UNC80: variants seen among roughly 807,000 people sequenced by gnomAD.
The protein encoded by UNC80 is unc-80 subunit of NALCN channel complex.
UNC80 carries 164 observed loss-of-function variants against 384.6 expected under a neutral mutation model. The observed-to-expected ratio is 0.43, with a 90% CI of 0.38 to 0.49. UNC80 has a LOEUF of 0.49. Ranked by LOEUF, UNC80 falls within the 20% of genes least tolerant of loss-of-function variation. UNC80 has a pLI of 0.00. For synonymous variants in UNC80, 1,486 were observed against 1,527.8 expected, an observed-to-expected ratio of 0.97 and a Z score of 0.64; for missense variants, 3,330 against 4,143.0, an observed-to-expected ratio of 0.80 and a Z score of 5.39.
At chr2:209,902,677 T>G (rs7600528) in intron 28 of UNC80, among the ~76,000 whole-genome samples, 40,319 of 152,042 alleles carry the variant, frequency 0.27, 5,985 homozygotes, top group East Asian at 0.4. Flanking sequence ...AAGGCTCAGG[T>G]GATTGTTAGC....
At chr2:209,917,748 A>C in intron 31 of UNC80, 29 bp from the exon 32 acceptor site, 1 of 1,550,702 alleles carries the variant, frequency 6.4e-7, no homozygotes, top group Non-Finnish European at 8.7e-7. Context: ...TTTTAAAAGC[A>C]TAGCTGATGA....
chr2:209,795,143 A>G (rs148170513), intron 7 of UNC80: 2,635 of 159,662 alleles, frequency 0.017, 44 homozygotes, highest in Non-Finnish European at 0.024. Context: ...AGGTGGTCTC[A>G]GATGGAGATG....
chr2:209,900,923 T>G (rs2087325636), intron 28 of UNC80, among the ~76,000 whole-genome samples: 1 of 152,216 alleles, frequency 6.6e-6, no homozygotes, highest in Non-Finnish European at 1.5e-5. Flanking sequence ...TTTTAACTCT[T>G]TTCAGTTCTG....
At chr2:209,786,620 G>A (rs975552) in intron 5 of UNC80, among the ~76,000 whole-genome samples, 1 of 151,944 alleles carries the variant, frequency 6.6e-6, no homozygotes, top group African/African-American at 2.4e-5. Flanking sequence ...GTGTTGTATT[G>A]TTATCAAAGC....
chr2:209,798,761 T>A (rs1026437855), intron 7 of UNC80, among the ~76,000 whole-genome samples: 1 of 151,116 alleles, frequency 6.6e-6, no homozygotes, highest in Admixed American at 6.6e-5. Flanking sequence ...CACTGAAAGC[T>A]CCACCTCCCA....
chr2:209,797,005 A>T (rs902688388), intron 7 of UNC80, among the ~76,000 whole-genome samples: 2 of 151,984 alleles, frequency 1.3e-5, no homozygotes, highest in Admixed American at 1.3e-4. Flanking sequence ...CCAGATAACC[A>T]CTAATATACT....
chr2:209,834,731 GGCT>G (rs1336218107), intron 17 of UNC80, among the ~76,000 whole-genome samples, 178 bp from the exon 18 acceptor site: 2 of 152,150 alleles, frequency 1.3e-5, no homozygotes, highest in Non-Finnish European at 2.9e-5. Context: ...GAAGCAAAAA[GGCT>G]GCTAAGTCAT....
intron 8 of UNC80, 115 bp downstream of exon 8, chr2:209,813,956 G>T (rs2079546420): frequency 1.1e-5 from 14 of 1,286,080 alleles, no homozygotes; most frequent in Non-Finnish European, 1.5e-5. Flanking sequence ...TGGTTGGTGG[G>T]TTACACTGTT....
chr2:209,799,249 T>C (rs934021649), intron 7 of UNC80, among the ~76,000 whole-genome samples: 8 of 152,248 alleles, frequency 5.3e-5, no homozygotes, highest in South Asian at 2.1e-4. Context: ...CTTATTTCCC[T>C]GAGCAGTGGT....
intron 26 of UNC80, 35 bp from the exon 27 acceptor site, chr2:209,894,128 G>A (rs73003386): frequency 1.0e-5 from 10 of 983,318 alleles, no homozygotes; most frequent in Non-Finnish European, 1.2e-5. Flanking sequence ...GGAACACTAG[G>A]GGGGAAAAAG....
rs543594839 is a variant in UNC80 at position 209,899,284 on chromosome 2, G to A, written c.4581+2871G>A. 3.9e-5 allele frequency among the ~76,000 whole-genome samples: 6 copies of A among 152,284 alleles called. No homozygotes were observed. In the South Asian group the frequency reaches 6.2e-4, roughly 16 times the overall value. ...ATTCACAGAATGTACAAAGCAAAGC[G>A]TGGACCCTAATGTAAACTGTTGACT... is the stretch of plus-strand genomic sequence containing the variant. On this transcript the variant is annotated intron_variant, in intron 28 of 64. Coordinates refer to ENST00000673920, the MANE Select transcript of UNC80 (RefSeq NM_001371986.1).
Position 209,834,047 on chromosome 2 carries a change from G to T in UNC80, c.2821G>T (p.Ala941Ser). ...IRQLVQFIKE[A>S]HGNVFRRVAL... ...TCAGCTGGTCCAGTTTATCAAAGAGGCTCATGGGAATGTCTTCAGGAGAGT... is the reference window on the plus strand; with the variant it reads ...TCAGCTGGTCCAGTTTATCAAAGAGTCTCATGGGAATGTCTTCAGGAGAGT... The change falls in exon 17 of 65, where the codon GCT becomes TCT. Residue 941 changes from alanine (A) to serine (S), a missense_variant. Physicochemically the swap from Ala to Ser is moderately conservative, Grantham distance 99 (BLOSUM62 1). Coordinates refer to ENST00000673920, the MANE Select transcript of UNC80 (RefSeq NM_001371986.1). The T allele has an allele frequency of 6.4e-7, 1 of 1,551,756 alleles. No individual in the cohort carries two copies. The highest frequency in any genetic ancestry group is 8.7e-7 in the Non-Finnish European group (1 of 1,146,988).
rs1169295382 is a variant in UNC80, at chr2:209,998,667, G to A, written c.*3072G>A. 3 of 152,186 alleles carry A rather than the reference G, an allele frequency of 2.0e-5. No homozygotes were observed. The highest frequency in any genetic ancestry group is 7.2e-5 in the African/African-American group (3 of 41,424). 9.4% of individuals were successfully genotyped at this position (152,186 alleles called of 1,614,324 possible). On this transcript the variant is annotated 3_prime_UTR_variant, in exon 65 of 65. Transcript: ENST00000673920. ...GATGAGAATAGGATGTGTGTGGAGG[G>A]GCTTTTAGGGAAGAAAGGGTCATAA... is the stretch of plus-strand genomic sequence containing the variant.
At chr2:209,794,692 A>T (rs970819085) in intron 7 of UNC80, 11 of 403,052 alleles carry the variant, frequency 2.7e-5, no homozygotes, top group Non-Finnish European at 5.0e-5. Context: ...AGTCTTTCCC[A>T]TGCTATTCTC....
intron 51 of UNC80, among the ~76,000 whole-genome samples, chr2:209,966,231 A>C (rs2092738252): frequency 6.6e-6 from 1 of 152,224 alleles, no homozygotes; most frequent in Non-Finnish European, 1.5e-5. Flanking sequence ...TTTGTTTTCA[A>C]ATGAATTTTC....
At chr2:209,994,014 G>A in intron 63 of UNC80, 51 bp from the exon 64 acceptor site, 1 of 1,481,938 alleles carries the variant, frequency 6.7e-7, no homozygotes, top group Non-Finnish European at 9.1e-7. Context: ...AGCATTGACG[G>A]TCCGTTTCCA....
In UNC80 at chr2:209,976,783, TA is replaced by T; in HGVS notation, c.8773-127del. 1 of 1,042,924 alleles carries T rather than the reference TA, an allele frequency of 9.6e-7. No individual in the cohort carries two copies. The highest frequency in any genetic ancestry group is 1.3e-6 in the Non-Finnish European group (1 of 743,342). The allele number at this position is 1,042,924 out of a possible 1,614,324, so 64.6% of individuals were successfully genotyped here. A position where few individuals can be genotyped will look rare whatever the true frequency, so the allele number is the denominator to read the frequency against. ...ATGTAATTATTAAGCACTTCCTGTG[TA>T]AAGTGCCGTTCTAGGAACATCACAT... On this transcript the variant is annotated intron_variant, in intron 57 of 64. Transcript: ENST00000673920. This position sits in a 1 kb window ranked among gnomAD's most constrained non-coding sequence, Gnocchi z 4.3.
At chr2:209,936,451 C>T (rs2124972647) in intron 40 of UNC80, among the ~76,000 whole-genome samples, 2 of 152,288 alleles carry the variant, frequency 1.3e-5, no homozygotes, top group East Asian at 3.9e-4. Flanking sequence ...TGCTTTCTTC[C>T]TGATGCTGAG....
chr2:209,783,296 G>A (rs1324314081), intron 4 of UNC80, among the ~76,000 whole-genome samples: 1 of 152,010 alleles, frequency 6.6e-6, no homozygotes, highest in Non-Finnish European at 1.5e-5. Flanking sequence ...TTGAGTTTCT[G>A]CTTGTGTATG....
Sources: allele counts gnomAD v4.1 joint callset (sites outside exome capture counted in the v4.1 genomes callset), GRCh38; gene constraint gnomAD v4.1.1; non-coding constraint Gnocchi (gnomAD v3.1); transcripts MANE v1.5; gene names NCBI Gene and HGNC (gene_info 2026-07-23, HGNC 2026-07-21).